N4BP3: variants seen among roughly 807,000 people sequenced by gnomAD.
N4BP3 encodes the protein NEDD4 binding protein 3, also known as NEDD4-binding protein 3.
In N4BP3, 33 loss-of-function variants were observed where a neutral mutation model predicts 43.8. The ratio of observed to expected loss-of-function variants is 0.75; its 90% CI spans 0.57 to 1.01. N4BP3 has a LOEUF of 1.01. Ranked by LOEUF, N4BP3 falls within the 50% of genes least tolerant of loss-of-function variation. The pLI, the probability that N4BP3 is intolerant of heterozygous loss-of-function variation, is 0.00. For missense variants in N4BP3, 756 were observed against 744.2 expected, an observed-to-expected ratio of 1.02 and a Z score of -0.18; for synonymous variants, 326 against 321.9, an observed-to-expected ratio of 1.01 and a Z score of -0.14.
intron 1 of N4BP3, 84 bp from the exon 2 acceptor site, chr5:178,119,470 G>A: frequency 9.8e-7 from 1 of 1,024,236 alleles, no homozygotes; most frequent in Non-Finnish European, 1.4e-6. Context: ...GGGAGCTACA[G>A]GGAGCAAGTA....
rs766826696 is a variant in N4BP3 at position 178,120,443 on chromosome 5, G to A, written c.596G>A (p.Arg199His). The A allele has an allele frequency of 3.1e-6, 5 of 1,612,882 alleles. No individual in the cohort carries two copies. The highest frequency in any genetic ancestry group is 2.2e-5 in the East Asian group (1 of 44,874). Reference protein sequence around the residue: ...SDSSSGGSFGRSPGTGPSPFS... With the variant: ...SDSSSGGSFGHSPGTGPSPFS... ...TCCTCCAGTGGGGGTAGTTTTGGTC[G>A]CAGTCCTGGTACTGGCCCTAGCCCC... The change falls in exon 3 of 5, where the codon CGC (arginine) becomes CAC (histidine). Residue 199 changes from arginine to histidine, a missense_variant. Arg to His is a conservative substitution (Grantham distance 29, BLOSUM62 0). Transcript: ENST00000274605.
In N4BP3 at chr5:178,119,704, C is replaced by A; in HGVS notation, c.121C>A (p.Gln41Lys). The A allele has an allele frequency of 6.2e-7, 1 of 1,613,030 alleles. No homozygotes were observed. The highest frequency in any genetic ancestry group is 1.7e-5 in the Admixed American group (1 of 59,962). The change falls in exon 2 of 5, where the codon CAG (glutamine) becomes AAG (lysine). Residue 41 changes from glutamine to lysine, a missense_variant. Physicochemically the swap from Gln to Lys is moderately conservative, Grantham distance 53. Coordinates refer to ENST00000274605, the MANE Select transcript of N4BP3 (RefSeq NM_015111.2). ...ACTTGCCGGGTCTCGGGGCTCCCGC[C>A]AGCCTGATGGGCTCCTCCGGAAGGG... is the stretch of plus-strand genomic sequence containing the variant. ...AALAGSRGSR[Q>K]PDGLLRKGLG... is the part of the protein sequence containing the mutation.
In N4BP3 at chr5:178,121,321, G is replaced by A. The variant is rs1757917722; in HGVS notation, c.1076G>A (p.Ser359Asn). 2 of 1,603,610 alleles carry A rather than the reference G, an allele frequency of 1.2e-6. No individual in the cohort carries two copies. Among genetic ancestry groups the A allele is most frequent in the Non-Finnish European group, 1.7e-6 (2 of 1,173,634 alleles). Residue 359 changes from serine to asparagine, a missense_variant, in exon 4 of 5, where the codon AGT becomes AAT. By Grantham distance (46) the Ser-to-Asn change is conservative. Transcript: ENST00000274605. ...GGCACCCTCCCAGAGGCTGACCCCA[G>A]TGCACGACCAGAGGAGGAAGCCCGA... ...APGTLPEADPSARPEEEARWE... is the reference protein window; with the variant it reads ...APGTLPEADPNARPEEEARWE...
chr5:178,120,023 G>A, intron 2 of N4BP3, 110 bp downstream of exon 2: 2 of 1,470,024 alleles, frequency 1.4e-6, no homozygotes, highest in Non-Finnish European at 1.8e-6. Flanking sequence ...CGAAAATCGT[G>A]CTATGGGCTG....
Position 178,119,657 on chromosome 5 carries a change from C to G in N4BP3, c.74C>G (p.Ser25Cys). 6.2e-7 allele frequency: 1 copy of G among 1,604,152 alleles called. No individual in the cohort carries two copies. Among genetic ancestry groups the G allele is most frequent in the Non-Finnish European group, 8.5e-7 (1 of 1,175,358 alleles). The change falls in exon 2 of 5, where the codon TCC becomes TGC. Residue 25 changes from serine (S) to cysteine (C), a missense_variant. Transcript: ENST00000274605. ...VGSLLERQDF[S>C]PEELRAALAG... ...AGCCTGTTGGAACGGCAGGACTTCT[C>G]CCCTGAAGAGCTGCGGGCGGCACTT...
intron 2 of N4BP3, 94 bp downstream of exon 2, chr5:178,120,007 G>A (rs1208876055): frequency 2.7e-6 from 4 of 1,479,622 alleles, no homozygotes; most frequent in African/African-American, 1.4e-5. Flanking sequence ...GGGGCATGCT[G>A]AGATACGAAA....
rs148196961 is a variant in N4BP3 at position 178,117,638 on chromosome 5, A to AAAAAAAAG, written c.-30-1916_-30-1915insAAAAAAAG. Among the ~76,000 whole-genome samples, 11 of 108,390 alleles carry AAAAAAAAG rather than the reference A, an allele frequency of 1.0e-4. 2 individuals carry two copies. In the South Asian group the frequency reaches 1.5e-3, roughly 15 times the overall value. 71.1% of individuals were successfully genotyped at this position (108,390 alleles called of 152,430 possible). ...GTCTCAAAAAAAAAAAAAAAAAAAA[A>AAAAAAAAG]GAAGGGACAATAACTCTGTCACAGG... On this transcript the variant is annotated intron_variant, in intron 1 of 4. Transcript: ENST00000274605.
chr5:178,120,532 C>A lies in N4BP3; in HGVS notation c.685C>A (p.Pro229Thr), dbSNP rs1399627603. 6.2e-7 allele frequency: 1 copy of A among 1,612,970 alleles called. No homozygotes were observed. The highest frequency in any genetic ancestry group is 8.5e-7 in the Non-Finnish European group (1 of 1,180,022). Residue 229 changes from proline (P) to threonine (T), a missense_variant, in exon 3 of 5, where the codon CCC (proline) becomes ACC (threonine). Physicochemically the swap from Pro to Thr is conservative, Grantham distance 38. Transcript: ENST00000274605. ...GGSLDRASQG[P>T]KEAGPPAVLS... ...CTCCCTGGACCGGGCCTCTCAAGGA[C>A]CCAAGGAGGCTGGGCCACCAGCTGT...
At position 178,122,080 on chromosome 5, in the gene N4BP3, G is replaced by C; in HGVS notation, c.*79G>C. 1 of 1,463,968 alleles carries C rather than the reference G, an allele frequency of 6.8e-7. No individual in the cohort carries two copies. Among genetic ancestry groups the C allele is most frequent in the Non-Finnish European group, 9.0e-7 (1 of 1,106,430 alleles). The allele number at this position is 1,463,968 out of a possible 1,614,324, so 90.7% of individuals were successfully genotyped here. On this transcript the variant is annotated 3_prime_UTR_variant, in exon 5 of 5. Transcript: ENST00000274605. Reference sequence around the variant, plus strand: ...GCCGGCTCAGCCTTCCCTTGCACTGGTTGGGGTGGAACCTGCAGAGGCCAG... The same window carrying C: ...GCCGGCTCAGCCTTCCCTTGCACTGCTTGGGGTGGAACCTGCAGAGGCCAG...
Position 178,117,524 on chromosome 5 carries a change from T to C in N4BP3, c.-30-2030T>C, listed in dbSNP as rs185473493. Among the ~76,000 whole-genome samples the C allele has an allele frequency of 3.4e-4, 51 of 149,022 alleles. 1 individual carries two copies. The East Asian group carries it at 5.9e-3, about 17-fold the overall frequency. ...TACTCAGGAGGCTGAAGTGGGAAGA[T>C]GGCTTGATCCTAGGAGTTCGAGGCT... On this transcript the variant is annotated intron_variant, in intron 1 of 4. Transcript: ENST00000274605.
chr5:178,126,107 C>T (rs7701678), downstream of N4BP3: 105,067 of 151,990 alleles, frequency 0.69, 36,705 homozygotes, highest in Admixed American at 0.76. Flanking sequence ...CTTTAACAAG[C>T]GGTGCTGGGA....
chr5:178,122,279 C>A lies in N4BP3; in HGVS notation c.*278C>A. On this transcript the variant is annotated 3_prime_UTR_variant, in exon 5 of 5. Coordinates refer to ENST00000274605, the MANE Select transcript of N4BP3 (RefSeq NM_015111.2). ...GAGAAGGAGGCTGGGGGATCACCAG[C>A]CCCAAGGTCCCGAAGGGCAGGTCAG... 2.5e-6 allele frequency: 1 copy of A among 403,188 alleles called. No homozygotes were observed. The allele number at this position is 403,188 out of a possible 1,614,324, so 25.0% of individuals were successfully genotyped here.
At chr5:178,119,517 T>C in intron 1 of N4BP3, 37 bp from the exon 2 acceptor site, 1 of 1,443,342 alleles carries the variant, frequency 6.9e-7, no homozygotes, top group East Asian at 2.3e-5. Flanking sequence ...GGGCAGCCAG[T>C]GCTCACCTGC....
intron 1 of N4BP3, among the ~76,000 whole-genome samples, chr5:178,114,693 G>A (rs1256860724): frequency 6.6e-6 from 1 of 152,208 alleles, no homozygotes; most frequent in Non-Finnish European, 1.5e-5. Context: ...CTACCGGCTG[G>A]CAGCGTGTGG....
chr5:178,121,221 G>A lies in N4BP3; in HGVS notation c.976G>A (p.Ala326Thr). The change falls in exon 4 of 5, where the codon GCT becomes ACT. Residue 326 changes from alanine (A) to threonine (T), a missense_variant. Physicochemically the swap from Ala to Thr is moderately conservative, Grantham distance 58. Transcript: ENST00000274605. The stretch of plus-strand genomic sequence containing the variant: ...CAACCTCCAGCTGCAGCTGTTTATG[G>A]CTCAGCAGGAGCAGCGGCGCCTGCG... ...ERNLQLQLFM[A>T]QQEQRRLRKE... 1 of 1,603,334 alleles carries A rather than the reference G, an allele frequency of 6.2e-7. No homozygotes were observed.
chr5:178,118,862 G>A lies in N4BP3; in HGVS notation c.-30-692G>A, dbSNP rs1320792149. Among the ~76,000 whole-genome samples the A allele has an allele frequency of 6.7e-6, 1 of 150,310 alleles. No individual in the cohort carries two copies. The highest frequency in any genetic ancestry group is 2.4e-5 in the African/African-American group (1 of 41,018). On this transcript the variant is annotated intron_variant, in intron 1 of 4. Transcript: ENST00000274605. This position sits in a 1 kb window ranked among gnomAD's most constrained non-coding sequence, Gnocchi z 5.4. ...GCAAGGTCAGGTTCAGCCAGGCTGA[G>A]TTTTCTTTTTTTTTTTTTTTTGAGA...
At chr5:178,126,538 C>G (rs1337728786), downstream of N4BP3, among the ~76,000 whole-genome samples, 1 of 152,122 alleles carries the variant, frequency 6.6e-6, no homozygotes, top group Non-Finnish European at 1.5e-5. Flanking sequence ...GGTGGTGGGG[C>G]TCAGAAAATG....
chr5:178,116,197 AGCTGCCCTGCCCG>A (rs1229432386), intron 1 of N4BP3, among the ~76,000 whole-genome samples: 15 of 103,544 alleles, frequency 1.4e-4, no homozygotes, highest in Non-Finnish European at 2.7e-4. Flanking sequence ...TGCCCTGCCC[AGCTGCCCTGCCCG>A]GAGCAGGCAA....
rs3812076 is a variant in N4BP3 at position 178,124,153 on chromosome 5, C to T, written c.*2152C>T. Reference sequence around the variant, plus strand: ...GGGCCTGTCAAGCCAGGGGCCCACACACCTGGTGCCAGGGTCCACCTTGGT... The same window carrying T: ...GGGCCTGTCAAGCCAGGGGCCCACATACCTGGTGCCAGGGTCCACCTTGGT... On this transcript the variant is annotated 3_prime_UTR_variant, in exon 5 of 5. Coordinates refer to ENST00000274605, the MANE Select transcript of N4BP3 (RefSeq NM_015111.2). 46,633 of 152,636 alleles carry T rather than the reference C, an allele frequency of 0.31. 7,367 individuals carry two copies. The highest frequency in any genetic ancestry group is 0.42 in the Middle Eastern group (125 of 298). The allele number at this position is 152,636 out of a possible 1,614,324, so 9.5% of individuals were successfully genotyped here.
Sources: allele counts gnomAD v4.1 joint callset (sites outside exome capture counted in the v4.1 genomes callset), GRCh38; gene constraint gnomAD v4.1.1; non-coding constraint Gnocchi (gnomAD v3.1); transcripts MANE v1.5; gene names NCBI Gene and HGNC (gene_info 2026-07-23, HGNC 2026-07-21).